The following PRELID2 variants were observed in gnomAD, a reference collection of about 807,000 sequenced individuals.
The protein encoded by PRELID2 is PRELI domain containing 2, also known as PRELI domain-containing protein 2.
Under a neutral mutation model 28.4 loss-of-function variants are expected in PRELID2, and 25 were observed. The observed-to-expected ratio is 0.88, with a 90% CI of 0.64 to 1.23. PRELID2 has a LOEUF of 1.23. PRELID2 is among the 50% of genes most tolerant of loss of function. The pLI is 0.00. For synonymous variants in PRELID2, 76 were observed against 71.6 expected, an observed-to-expected ratio of 1.06 and a Z score of -0.31; for missense variants, 201 against 214.4, an observed-to-expected ratio of 0.94 and a Z score of 0.39.
At chr5:145,649,961 T>C (rs142339013) in intron 1 of PRELID2, among the ~76,000 whole-genome samples, 208 of 152,346 alleles carry the variant, frequency 1.4e-3, no homozygotes, top group African/African-American at 4.7e-3. Flanking sequence ...AAATATTTTA[T>C]TGAGTATTAT....
the PRELID2 span, among the ~76,000 whole-genome samples, chr5:145,232,390 G>C: frequency 1.3e-5 from 2 of 152,092 alleles, no homozygotes; most frequent in Admixed American, 6.6e-5. Flanking sequence ...AAATAAGTGG[G>C]GAAGTAGGGC....
At chr5:145,725,287 A>C (rs963520260) in intron 1 of PRELID2, among the ~76,000 whole-genome samples, 19 of 152,170 alleles carry the variant, frequency 1.2e-4, no homozygotes, top group African/African-American at 2.4e-5. Flanking sequence ...TTAAAAAACA[A>C]TGAGACAGCA....
intron 1 of PRELID2, among the ~76,000 whole-genome samples, chr5:145,541,435 C>CT (rs1332989720): frequency 6.6e-6 from 1 of 152,010 alleles, no homozygotes; most frequent in Non-Finnish European, 1.5e-5. Flanking sequence ...TCATAGTAAA[C>CT]TAGTAAGTAG....
chr5:145,781,649 CTATATATACACACTATATATATACACT>C (rs1561600753), intron 5 of PRELID2, among the ~76,000 whole-genome samples: 2 of 135,302 alleles, frequency 1.5e-5, no homozygotes, highest in African/African-American at 6.0e-5. Context: ...TATATATATA[CTATATATACACACTATATATATACACT>C]TATATATATA....
chr5:145,408,021 C>T, the PRELID2 span, among the ~76,000 whole-genome samples: 2 of 152,082 alleles, frequency 1.3e-5, no homozygotes, highest in African/African-American at 2.4e-5. Context: ...AGTAGCCCTA[C>T]TGGGTGGCTA....
chr5:145,575,026 T>A (rs937281669), intron 1 of PRELID2, among the ~76,000 whole-genome samples: 3 of 152,182 alleles, frequency 2.0e-5, no homozygotes, highest in African/African-American at 7.2e-5. Context: ...TGAATTATGA[T>A]ACATGTCATG....
chr5:145,663,568 A>G (rs907071950), intron 1 of PRELID2, among the ~76,000 whole-genome samples: 4 of 152,312 alleles, frequency 2.6e-5, no homozygotes, highest in African/African-American at 9.6e-5. Flanking sequence ...TTTGGTAGTG[A>G]AACAACTACT....
the PRELID2 span, among the ~76,000 whole-genome samples, chr5:145,266,372 GGGCTA>G: frequency 6.9e-5 from 10 of 144,674 alleles, no homozygotes; most frequent in Admixed American, 5.5e-4. Flanking sequence ...AAAAAAAAAA[GGGCTA>G]AGGACATGAA....
At chr5:145,469,039 C>G (rs1752028488), downstream of PRELID2, among the ~76,000 whole-genome samples, 1 of 152,028 alleles carries the variant, frequency 6.6e-6, no homozygotes, top group Non-Finnish European at 1.5e-5. Context: ...AATCTTGGGA[C>G]AGTTTTACCT....
the PRELID2 span, among the ~76,000 whole-genome samples, chr5:145,314,771 T>C: frequency 3.9e-5 from 6 of 151,972 alleles, no homozygotes; most frequent in African/African-American, 7.2e-5. Flanking sequence ...AAAATTGTTA[T>C]GGCACCTAAA....
chr5:145,623,500 A>G (rs1156856155), intron 1 of PRELID2, among the ~76,000 whole-genome samples: 2 of 152,098 alleles, frequency 1.3e-5, no homozygotes, highest in Non-Finnish European at 1.5e-5. Flanking sequence ...CCACAGTAAT[A>G]AAAACAATGT....
At chr5:145,401,543 C>A in the PRELID2 span, among the ~76,000 whole-genome samples, 4 of 152,202 alleles carry the variant, frequency 2.6e-5, no homozygotes, top group Admixed American at 1.3e-4. Context: ...TTTAGTGTAA[C>A]AAGCTCACCT....
chr5:145,489,398 T>G (rs1057505798), intron 1 of PRELID2, among the ~76,000 whole-genome samples: 3 of 152,178 alleles, frequency 2.0e-5, no homozygotes, highest in Admixed American at 1.3e-4. Flanking sequence ...TAAAAATAGT[T>G]GTATTTGTGT....
chr5:145,472,312 A>G (rs992241533), intron 2 of PRELID2, among the ~76,000 whole-genome samples: 2 of 152,132 alleles, frequency 1.3e-5, no homozygotes, highest in African/African-American at 2.4e-5. Context: ...TACCACCTAC[A>G]GTCTCTGGTT....
At chr5:145,774,247 G>A (rs1190949871) in intron 5 of PRELID2, among the ~76,000 whole-genome samples, 1 of 152,194 alleles carries the variant, frequency 6.6e-6, no homozygotes, top group African/African-American at 2.4e-5. Flanking sequence ...GCCTCGGAGA[G>A]GTAAATGACT....
chr5:145,500,711 G>C (rs1464152799), intron 1 of PRELID2, among the ~76,000 whole-genome samples: 4 of 152,126 alleles, frequency 2.6e-5, no homozygotes, highest in African/African-American at 9.7e-5. Context: ...AGAGGGAAGA[G>C]TAGCTTGGGC....
At chr5:145,302,427 C>T in the PRELID2 span, among the ~76,000 whole-genome samples, 1 of 151,978 alleles carries the variant, frequency 6.6e-6, no homozygotes, top group Non-Finnish European at 1.5e-5. Context: ...CGTGAGCCAC[C>T]GTGACTGGCC....
chr5:145,480,904 C>T (rs1016685309), intron 1 of PRELID2, among the ~76,000 whole-genome samples: 2 of 152,046 alleles, frequency 1.3e-5, no homozygotes, highest in East Asian at 1.9e-4. Context: ...GCGAGGTTAC[C>T]GAATAGAAAT....
At chr5:145,753,152 C>T (rs1757168557), downstream of PRELID2, among the ~76,000 whole-genome samples, 1 of 152,184 alleles carries the variant, frequency 6.6e-6, no homozygotes, top group Admixed American at 6.5e-5. Flanking sequence ...ATGGCAGGCA[C>T]GAAATGGCTC....
Sources: allele counts gnomAD v4.1 joint callset (sites outside exome capture counted in the v4.1 genomes callset), GRCh38; gene constraint gnomAD v4.1.1; transcripts MANE v1.5; gene names NCBI Gene and HGNC (gene_info 2026-07-23, HGNC 2026-07-21).